The following KSR2 variants were observed in gnomAD, a reference collection of about 807,000 sequenced individuals.
KSR2 encodes the protein kinase suppressor of ras 2.
A neutral mutation model predicts 107.8 loss-of-function variants in KSR2; 25 were observed. The observed-to-expected ratio is 0.23, with a 90% CI of 0.17 to 0.32. KSR2 has a LOEUF of 0.32. Ranked by LOEUF, KSR2 falls within the 10% of genes least tolerant of loss-of-function variation. The pLI is 1.00. For missense variants in KSR2, 887 were observed against 1,268.9 expected (o/e 0.70, Z 4.57); for synonymous variants, 480 against 507.0 (o/e 0.95, Z 0.71).
chr12:117,947,578 A>C (rs1225515518), intron 1 of KSR2, among the ~76,000 whole-genome samples: 1 of 152,174 alleles, frequency 6.6e-6, no homozygotes, highest in African/African-American at 2.4e-5. Context: ...AATTTTTAAA[A>C]AATCAATTAT....
chr12:117,721,645 G>A (rs1450911109), intron 4 of KSR2, among the ~76,000 whole-genome samples: 1 of 152,212 alleles, frequency 6.6e-6, no homozygotes, highest in Non-Finnish European at 1.5e-5. Flanking sequence ...AGAAGAAGAG[G>A]AGGTAGATGG....
chr12:117,936,987 C>G (rs1372624416), intron 1 of KSR2, among the ~76,000 whole-genome samples: 1 of 152,320 alleles, frequency 6.6e-6, no homozygotes, highest in East Asian at 1.9e-4. Context: ...CTCCATCTGC[C>G]CCCAGCCTCA....
At chr12:117,942,333 C>T (rs1305888293) in intron 1 of KSR2, among the ~76,000 whole-genome samples, 4 of 152,116 alleles carry the variant, frequency 2.6e-5, no homozygotes, top group African/African-American at 7.2e-5. Flanking sequence ...CTTATTCCTT[C>T]TATCGAGCTA....
At chr12:117,586,794 T>A (rs1880028518) in intron 5 of KSR2, among the ~76,000 whole-genome samples, 1 of 152,050 alleles carries the variant, frequency 6.6e-6, no homozygotes, top group African/African-American at 2.4e-5. Context: ...TCAGCCATGA[T>A]CATTAGTGCC....
chr12:117,638,733 C>T (rs1330472812), intron 5 of KSR2, among the ~76,000 whole-genome samples: 2 of 152,050 alleles, frequency 1.3e-5, no homozygotes, highest in South Asian at 2.1e-4. Context: ...CTTCCAGGAG[C>T]TTGTGATATT....
At chr12:117,803,077 G>T (rs575332614) in intron 3 of KSR2, among the ~76,000 whole-genome samples, 29 of 152,266 alleles carry the variant, frequency 1.9e-4, no homozygotes, top group African/African-American at 7.0e-4. Context: ...TTCCTGAAGC[G>T]ATTCTGGGCA....
chr12:117,527,324 C>G (rs959682682), intron 12 of KSR2, among the ~76,000 whole-genome samples: 10 of 128,566 alleles, frequency 7.8e-5, no homozygotes, highest in South Asian at 2.5e-4. Context: ...CACACACACA[C>G]AGACACACAC....
chr12:117,501,140 T>C (rs1471520402), intron 14 of KSR2, among the ~76,000 whole-genome samples: 1 of 152,244 alleles, frequency 6.6e-6, no homozygotes, highest in African/African-American at 2.4e-5. Flanking sequence ...AAGAGTAATA[T>C]CTTGTGCCAT....
chr12:117,650,888 T>G (rs1883877208), intron 5 of KSR2, among the ~76,000 whole-genome samples: 1 of 152,222 alleles, frequency 6.6e-6, no homozygotes, highest in South Asian at 2.1e-4. Context: ...TCTTATCTCC[T>G]GTAGAGAAAG....
chr12:117,495,926 C>T (rs749487515), intron 14 of KSR2, among the ~76,000 whole-genome samples: 9 of 151,860 alleles, frequency 5.9e-5, no homozygotes, highest in South Asian at 2.1e-4. Flanking sequence ...TGGTTGTGTG[C>T]GCCTGTAGTC....
chr12:117,474,930 T>C (rs902363201), intron 17 of KSR2, among the ~76,000 whole-genome samples: 3 of 152,116 alleles, frequency 2.0e-5, no homozygotes, highest in Non-Finnish European at 4.4e-5. Flanking sequence ...TAGTGAATGA[T>C]GCCACTCTCC....
chr12:117,754,195 T>C (rs746729346), intron 4 of KSR2, among the ~76,000 whole-genome samples: 2 of 152,030 alleles, frequency 1.3e-5, no homozygotes, highest in Non-Finnish European at 2.9e-5. Flanking sequence ...ACAGACATGC[T>C]ATGGCCAGTA....
At chr12:117,884,761 C>G (rs1894123539) in intron 1 of KSR2, among the ~76,000 whole-genome samples, 1 of 152,182 alleles carries the variant, frequency 6.6e-6, no homozygotes, top group African/African-American at 2.4e-5. Flanking sequence ...GATGTAGAGT[C>G]TAAGTGCTGC....
chr12:117,899,149 G>A (rs777688103), intron 1 of KSR2, among the ~76,000 whole-genome samples: 15 of 151,966 alleles, frequency 9.9e-5, no homozygotes, highest in South Asian at 2.1e-4. Context: ...AGCAACTCCC[G>A]CCCCACTTTG....
intron 14 of KSR2, among the ~76,000 whole-genome samples, chr12:117,516,022 C>T (rs999277827): frequency 2.0e-5 from 3 of 152,170 alleles, no homozygotes; most frequent in African/African-American, 2.4e-5. Flanking sequence ...TGACTTCATG[C>T]TCCTCTGGTT....
At position 117,467,036 on chromosome 12, in the gene KSR2, A is replaced by G; in HGVS notation, c.*163T>C. The G allele has an allele frequency of 2.1e-6, 1 of 485,226 alleles. No homozygotes were observed. The highest frequency in any genetic ancestry group is 4.1e-5 in the Admixed American group (1 of 24,544). The allele number at this position is 485,226 out of a possible 1,614,324, so 30.1% of individuals were successfully genotyped here. ...GCCCGAGGAAAAGGGCTCAAGTCTG[A>G]GGTGCAGGGAGGCCGCCGAGCAGTT... On this transcript the variant is annotated 3_prime_UTR_variant, in exon 20 of 20. Transcript: ENST00000339824.
chr12:117,783,340 A>T (rs1889949414), intron 3 of KSR2, among the ~76,000 whole-genome samples: 1 of 152,212 alleles, frequency 6.6e-6, no homozygotes, highest in South Asian at 2.1e-4. Context: ...ATGTCAACGC[A>T]TTGAGCAAGG....
rs35897528 is a variant in KSR2 at position 117,892,787 on chromosome 12, CAAAAAAAAAAAA to C, written c.181-32368_181-32357del. 3.9e-4 allele frequency among the ~76,000 whole-genome samples: 34 copies of C among 87,126 alleles called. No homozygotes were observed. The East Asian group carries it at 8.9e-3, about 23-fold the overall frequency. The allele number at this position is 87,126 out of a possible 152,430, so 57.2% of individuals were successfully genotyped here. A position where few individuals can be genotyped will look rare whatever the true frequency, so the allele number is the denominator to read the frequency against. ...AGTTTGCTGACATCTGTGCTATGTG[CAAAAAAAAAAAA>C]AAAAAAAAAAAAATCAATCTCATGA... On this transcript the variant is annotated intron_variant, in intron 1 of 19. Coordinates refer to ENST00000339824, the MANE Select transcript of KSR2 (RefSeq NM_173598.6).
intron 1 of KSR2, among the ~76,000 whole-genome samples, chr12:117,941,892 C>T (rs1271457285): frequency 1.3e-5 from 2 of 151,234 alleles, no homozygotes; most frequent in East Asian, 3.9e-4. Context: ...ATCCACCTGC[C>T]TCAGCCTCCC....
Sources: allele counts gnomAD v4.1 joint callset (sites outside exome capture counted in the v4.1 genomes callset), GRCh38; gene constraint gnomAD v4.1.1; transcripts MANE v1.5; gene names NCBI Gene and HGNC (gene_info 2026-07-23, HGNC 2026-07-21).